ST7L: variants seen among roughly 807,000 people sequenced by gnomAD.
The protein encoded by ST7L is suppression of tumorigenicity 7 like.
ST7L carries 57 observed loss-of-function variants against 72.5 expected under a neutral mutation model. The observed-to-expected ratio is 0.79, with a 90% confidence interval of 0.64 to 0.98. The LOEUF is 0.98. ST7L is among the 50% of genes least tolerant of loss of function. ST7L has a pLI of 0.00. For synonymous variants in ST7L, 221 were observed against 240.9 expected, an observed-to-expected ratio of 0.92 and a Z score of 0.77; for missense variants, 576 against 672.2, an observed-to-expected ratio of 0.86 and a Z score of 1.58.
chr1:112,595,686 T>C (rs1666380532), intron 5 of ST7L, among the ~76,000 whole-genome samples: 1 of 152,162 alleles, frequency 6.6e-6, no homozygotes, highest in African/African-American at 2.4e-5. Context: ...CTCAAAGTGC[T>C]GGGATTACAG....
rs569530928 is a variant in ST7L at position 112,597,423 on chromosome 1, C to A, written c.622+548G>T. Among the ~76,000 whole-genome samples, 4 of 152,274 alleles carry A rather than the reference C, an allele frequency of 2.6e-5. No homozygotes were observed. The East Asian group carries it at 5.8e-4, about 22-fold the overall frequency. On this transcript the variant is annotated intron_variant, in intron 5 of 14. Coordinates refer to ENST00000358039, the MANE Select transcript of ST7L (RefSeq NM_017744.5). ...CTATGATTGCACCACTGCACTCCAG[C>A]CTGGACAACAGAGTGAAATCAATCA... is the stretch of plus-strand genomic sequence containing the variant.
chr1:112,607,351 G>C (rs1205146893), intron 3 of ST7L: 2 of 152,430 alleles, frequency 1.3e-5, no homozygotes, highest in Non-Finnish European at 2.9e-5. Flanking sequence ...TGTAATCCCA[G>C]CACTTTGGGA....
intron 2 of ST7L, among the ~76,000 whole-genome samples, chr1:112,613,877 G>A (rs954383195): frequency 9.2e-5 from 14 of 151,960 alleles, no homozygotes; most frequent in East Asian, 3.9e-4. Flanking sequence ...ACAGGAATGC[G>A]CCACCACAAC....
At chr1:112,565,734 G>A (rs1399921366) in intron 11 of ST7L, among the ~76,000 whole-genome samples, 1 of 151,990 alleles carries the variant, frequency 6.6e-6, no homozygotes, top group Admixed American at 6.6e-5. Flanking sequence ...CAAAGAAGAT[G>A]GGCCAGGCAC....
chr1:112,581,628 C>T (rs1012418035), intron 9 of ST7L, among the ~76,000 whole-genome samples: 1 of 152,106 alleles, frequency 6.6e-6, no homozygotes, highest in African/African-American at 2.4e-5. Context: ...TGGTCTCCAA[C>T]TCCTGGGCTC....
intron 11 of ST7L, among the ~76,000 whole-genome samples, chr1:112,571,839 T>C (rs1298631239): frequency 1.3e-5 from 2 of 152,152 alleles, no homozygotes; most frequent in Non-Finnish European, 2.9e-5. Flanking sequence ...AAAGCAAATA[T>C]CAAAATAAAG....
At chr1:112,594,917 A>C (rs1247872639) in intron 5 of ST7L, among the ~76,000 whole-genome samples, 3 of 152,242 alleles carry the variant, frequency 2.0e-5, no homozygotes, top group Admixed American at 6.5e-5. Flanking sequence ...ATGCAATTTA[A>C]ATTTTTAAAA....
chr1:112,566,732 A>C (rs1334631820), intron 11 of ST7L, among the ~76,000 whole-genome samples: 1 of 152,126 alleles, frequency 6.6e-6, no homozygotes, highest in Non-Finnish European at 1.5e-5. Context: ...AACTTCACAT[A>C]AATGGAATCA....
chr1:112,599,546 T>G (rs1036451517), intron 4 of ST7L, among the ~76,000 whole-genome samples: 2 of 152,190 alleles, frequency 1.3e-5, no homozygotes, highest in African/African-American at 2.4e-5. Context: ...TTTTCTCATT[T>G]AGAGTTAAAA....
chr1:112,540,528 C>A (rs560899453), intron 14 of ST7L: 47 of 985,394 alleles, frequency 4.8e-5, no homozygotes, highest in Admixed American at 1.8e-4. Context: ...AGTGGAAAGT[C>A]ATTCTTCTTG....
intron 11 of ST7L, among the ~76,000 whole-genome samples, chr1:112,565,773 T>G (rs913683244): frequency 6.6e-6 from 1 of 152,060 alleles, no homozygotes; most frequent in African/African-American, 2.4e-5. Flanking sequence ...TCCCAGCACT[T>G]TGGGAGGCCA....
chr1:112,559,877 G>C (rs935606792), intron 11 of ST7L, among the ~76,000 whole-genome samples: 4 of 151,886 alleles, frequency 2.6e-5, no homozygotes, highest in Admixed American at 2.0e-4. Flanking sequence ...TACTCGGGAG[G>C]CTGAGGCAGA....
chr1:112,580,693 G>A (rs1174831983), intron 9 of ST7L, among the ~76,000 whole-genome samples: 7 of 152,136 alleles, frequency 4.6e-5, no homozygotes. Flanking sequence ...GGGAGGCCGA[G>A]CCAGGCAGAT....
At chr1:112,583,425 G>A (rs1344830439) in intron 7 of ST7L, among the ~76,000 whole-genome samples, 1 of 152,136 alleles carries the variant, frequency 6.6e-6, no homozygotes, top group East Asian at 1.9e-4. Context: ...CTGTTGCTAT[G>A]GCTCATCTGA....
chr1:112,609,417 G>A (rs1344446787), intron 3 of ST7L, among the ~76,000 whole-genome samples: 1 of 151,946 alleles, frequency 6.6e-6, no homozygotes. Context: ...TGTTATTTCA[G>A]CTACTTGGGA....
At chr1:112,589,695 A>G (rs1408245567) in intron 6 of ST7L, among the ~76,000 whole-genome samples, 4 of 152,242 alleles carry the variant, frequency 2.6e-5, no homozygotes, top group Non-Finnish European at 4.4e-5. Context: ...AAAACCAAAC[A>G]AAACACAAAA....
intron 3 of ST7L, among the ~76,000 whole-genome samples, chr1:112,604,885 A>C (rs1218497420): frequency 1.3e-5 from 2 of 150,704 alleles, no homozygotes; most frequent in African/African-American, 4.9e-5. Flanking sequence ...CAGGTGTTCA[A>C]GATCAGCCTG....
At chr1:112,552,278 T>A (rs1658338988) in intron 12 of ST7L, among the ~76,000 whole-genome samples, 2 of 152,026 alleles carry the variant, frequency 1.3e-5, no homozygotes, top group African/African-American at 2.4e-5. Flanking sequence ...ATCAACATTA[T>A]AATGAAATAA....
At chr1:112,520,058 A>G (rs1055926003), downstream of ST7L, among the ~76,000 whole-genome samples, 1 of 146,022 alleles carries the variant, frequency 6.8e-6, no homozygotes, top group Non-Finnish European at 1.5e-5. Context: ...GTTTTTGTAG[A>G]GACAGGGCTT....
Sources: allele counts gnomAD v4.1 joint callset (sites outside exome capture counted in the v4.1 genomes callset), GRCh38; gene constraint gnomAD v4.1.1; transcripts MANE v1.5; gene names NCBI Gene and HGNC (gene_info 2026-07-23, HGNC 2026-07-21).